Variants in PSMA1 observed in about 807,000 individuals in gnomAD.
The protein encoded by PSMA1 is proteasome 20S subunit alpha 1, also known as proteasome subunit alpha type-1.
A neutral mutation model predicts 38.4 loss-of-function variants in PSMA1; 3 were observed. The observed-to-expected ratio is 0.08, with a 90% CI of 0.04 to 0.20. PSMA1 has a LOEUF of 0.20. PSMA1 is among the 10% of genes least tolerant of loss of function. PSMA1 has a pLI of 1.00. For synonymous variants in PSMA1, 101 were observed against 107.1 expected (o/e 0.94, Z 0.35); for missense variants, 227 against 325.3 (o/e 0.70, Z 2.32).
chr11:14,594,352 A>T (rs2134190036), intron 2 of PSMA1, among the ~76,000 whole-genome samples: 1 of 151,294 alleles, frequency 6.6e-6, no homozygotes, highest in South Asian at 2.1e-4. Context: ...TGGGAAGTCC[A>T]AATAGAGAGA....
At chr11:14,599,845 T>C (rs1852557497) in intron 2 of PSMA1, among the ~76,000 whole-genome samples, 1 of 152,210 alleles carries the variant, frequency 6.6e-6, no homozygotes, top group Non-Finnish European at 1.5e-5. Flanking sequence ...ATTTTCAGCT[T>C]TTCTGCTCTG....
At chr11:14,505,944 A>G (rs1301290315) in intron 9 of PSMA1, among the ~76,000 whole-genome samples, 1 of 152,190 alleles carries the variant, frequency 6.6e-6, no homozygotes, top group Non-Finnish European at 1.5e-5. Context: ...CCAGGAGTTC[A>G]ACCTTGCAGT....
intron 2 of PSMA1, among the ~76,000 whole-genome samples, chr11:14,597,309 A>G (rs907785352): frequency 3.3e-4 from 51 of 152,344 alleles, no homozygotes; most frequent in African/African-American, 1.2e-3. Flanking sequence ...GAATAGTTTC[A>G]AAAGGAATGG....
At position 14,625,908 on chromosome 11, in the gene PSMA1, A is replaced by G. The variant is rs1852903481; in HGVS notation, c.-165-14757T>C. Reference sequence around the variant, plus strand: ...ACTAACACAGTGCCACCAGGGAATAAGACCTTAGCTAACGATAAAATGGTA... The same window carrying G: ...ACTAACACAGTGCCACCAGGGAATAGGACCTTAGCTAACGATAAAATGGTA... On this transcript the variant is annotated intron_variant, in intron 1 of 10. Transcript: ENST00000418988. Among the ~76,000 whole-genome samples the G allele has an allele frequency of 2.0e-5, 3 of 152,366 alleles. No individual in the cohort carries two copies. The Middle Eastern group carries it at 0.01, about 518-fold the overall frequency.
At chr11:14,529,271 A>G (rs1851620951) in intron 2 of PSMA1, among the ~76,000 whole-genome samples, 1 of 152,202 alleles carries the variant, frequency 6.6e-6, no homozygotes, top group Admixed American at 6.5e-5. Flanking sequence ...TTTAGCACCT[A>G]TAACTGGTAC....
chr11:14,573,743 T>C (rs1363179842), intron 2 of PSMA1, among the ~76,000 whole-genome samples: 2 of 152,174 alleles, frequency 1.3e-5, no homozygotes, highest in African/African-American at 2.4e-5. Flanking sequence ...GCAGATGACA[T>C]GATTGTATAT....
At chr11:14,616,165 T>C (rs1450361337) in intron 1 of PSMA1, among the ~76,000 whole-genome samples, 1 of 151,436 alleles carries the variant, frequency 6.6e-6, no homozygotes, top group African/African-American at 2.4e-5. Flanking sequence ...GCAACGACTG[T>C]AAGAACTGTG....
Position 14,629,888 on chromosome 11 carries a change from C to T in PSMA1, c.-166+13567G>A, listed in dbSNP as rs1423357125. On this transcript the variant is annotated intron_variant, in intron 1 of 10. Coordinates refer to the PSMA1 transcript ENST00000418988. ...CTTCTTGAAGAGGTCCTTCACATCC[C>T]TTGTAAGTTGGATTGCTAGGTATTT... Among the ~76,000 whole-genome samples, 4 of 152,178 alleles carry T rather than the reference C, an allele frequency of 2.6e-5. No individual in the cohort carries two copies. The East Asian group carries it at 7.7e-4, about 29-fold the overall frequency.
intron 1 of PSMA1, among the ~76,000 whole-genome samples, chr11:14,618,657 C>T (rs1565059637): frequency 6.6e-6 from 1 of 152,212 alleles, no homozygotes; most frequent in Non-Finnish European, 1.5e-5. Flanking sequence ...TACTGCATTA[C>T]ATTATAGACA....
intron 1 of PSMA1, among the ~76,000 whole-genome samples, chr11:14,639,324 A>G (rs944726554): frequency 2.4e-4 from 36 of 152,234 alleles, no homozygotes; most frequent in Non-Finnish European, 2.9e-5. Context: ...TTAAAATCAC[A>G]ATATGAAAAG....
chr11:14,572,508 T>C (rs940866002), intron 2 of PSMA1, among the ~76,000 whole-genome samples: 1 of 152,158 alleles, frequency 6.6e-6, no homozygotes, highest in African/African-American at 2.4e-5. Context: ...GGGACACATT[T>C]AAAGCAGTGT....
intron 1 of PSMA1, among the ~76,000 whole-genome samples, chr11:14,642,947 C>T (rs1853236075): frequency 6.6e-6 from 1 of 152,044 alleles, no homozygotes; most frequent in Admixed American, 6.6e-5. Context: ...AGTGAAAAAG[C>T]CTTCAATTTG....
At chr11:14,554,778 C>T (rs1253219765) in intron 2 of PSMA1, among the ~76,000 whole-genome samples, 1 of 151,892 alleles carries the variant, frequency 6.6e-6, no homozygotes, top group Non-Finnish European at 1.5e-5. Context: ...CTTATATATG[C>T]CAGGCATTGT....
chr11:14,543,775 T>C (rs1414652664), intron 2 of PSMA1, among the ~76,000 whole-genome samples: 1 of 152,230 alleles, frequency 6.6e-6, no homozygotes, highest in African/African-American at 2.4e-5. Flanking sequence ...ACTGTTTAGT[T>C]CAACTTCATT....
intron 2 of PSMA1, among the ~76,000 whole-genome samples, chr11:14,518,683 TC>T (rs1193124269): frequency 6.6e-6 from 1 of 152,148 alleles, no homozygotes; most frequent in Non-Finnish European, 1.5e-5. Flanking sequence ...TCCTCTTTTT[TC>T]CTCCCCACTG....
At chr11:14,604,050 C>T (rs1852614935) in intron 2 of PSMA1, among the ~76,000 whole-genome samples, 1 of 152,324 alleles carries the variant, frequency 6.6e-6, no homozygotes. Flanking sequence ...CATTAAAATA[C>T]ATTTCTTCTA....
At chr11:14,576,230 G>T (rs1338829318) in intron 2 of PSMA1, among the ~76,000 whole-genome samples, 3 of 152,128 alleles carry the variant, frequency 2.0e-5, no homozygotes, top group Non-Finnish European at 4.4e-5. Flanking sequence ...TCTGTAGGTT[G>T]CCTGTTCTCT....
intron 2 of PSMA1, among the ~76,000 whole-genome samples, chr11:14,584,314 G>A (rs1194206113): frequency 1.3e-5 from 2 of 152,124 alleles, no homozygotes; most frequent in African/African-American, 4.8e-5. Flanking sequence ...TCCCTTCAGA[G>A]GTAAAAGGAC....
chr11:14,583,759 C>T (rs1023144012), intron 2 of PSMA1, among the ~76,000 whole-genome samples: 5 of 152,154 alleles, frequency 3.3e-5, no homozygotes, highest in East Asian at 1.9e-4. Flanking sequence ...GAAAAGTAGA[C>T]GTTTAAAAAT....
Sources: gnomAD v4.1 joint callset for allele counts (sites outside exome capture counted in the v4.1 genomes callset) on GRCh38, gnomAD v4.1.1 for gene constraint, MANE v1.5 for transcripts, NCBI Gene and HGNC (gene_info 2026-07-23, HGNC 2026-07-21) for gene names.